The following ABLIM1 variants were observed in gnomAD, a reference collection of about 807,000 sequenced individuals.
ABLIM1 encodes actin binding LIM protein 1, also known as actin-binding LIM protein 1.
ABLIM1 carries 40 observed loss-of-function variants against 107.0 expected under a neutral mutation model. The ratio of observed to expected loss-of-function variants is 0.37; its 90% CI spans 0.29 to 0.49. The LOEUF (loss-of-function observed/expected upper bound fraction) is 0.49. Ranked by LOEUF, ABLIM1 falls within the 20% of genes least tolerant of loss-of-function variation. The pLI, the probability that ABLIM1 is intolerant of heterozygous loss-of-function variation, is 0.97. For synonymous variants in ABLIM1, 357 were observed against 357.3 expected (o/e 1.00, Z 0.01); for missense variants, 857 against 1,008.5 (o/e 0.85, Z 2.04).
At chr10:114,472,844 G>A in intron 10 of ABLIM1, 133 bp downstream of exon 10, 1 of 868,102 alleles carries the variant, frequency 1.2e-6, no homozygotes. Context: ...AAAGCACCTG[G>A]TCTAGAAATC....
the ABLIM1 span, among the ~76,000 whole-genome samples, chr10:114,787,931 G>C: frequency 6.9e-6 from 1 of 144,896 alleles, no homozygotes; most frequent in Non-Finnish European, 1.5e-5. Flanking sequence ...GATGGTTGCC[G>C]TGTCTGTGTA....
intron 1 of ABLIM1, among the ~76,000 whole-genome samples, chr10:114,637,035 TAAAAAAAAAAAA>T (rs3061732): frequency 9.6e-6 from 1 of 104,034 alleles, no homozygotes; most frequent in Non-Finnish European, 1.9e-5. Context: ...GCTGTCTCTT[TAAAAAAAAAAAA>T]AAAAAAAAAA....
rs572367885 is a variant in ABLIM1, at chr10:114,432,352, C to G, written c.*3908G>C. ...ATGAGACAGTCTATTTTCCTTCCAC[C>G]ATCTTCCATGAGAGTCAGGAAAAGG... is the stretch of plus-strand genomic sequence containing the variant. On this transcript the variant is annotated 3_prime_UTR_variant, in exon 23 of 23. Transcript: ENST00000533213. The G allele has an allele frequency of 4.6e-5, 7 of 152,140 alleles. No individual in the cohort carries two copies. Among genetic ancestry groups the G allele is most frequent in the African/African-American group, 1.7e-4 (7 of 41,408 alleles). 9.4% of individuals were successfully genotyped at this position (152,140 alleles called of 1,614,324 possible).
intron 1 of ABLIM1, among the ~76,000 whole-genome samples, chr10:114,648,987 A>G (rs544443695): frequency 6.9e-4 from 105 of 152,310 alleles, no homozygotes; most frequent in Non-Finnish European, 1.2e-3. Flanking sequence ...TTCTCATGTA[A>G]TATCAAACAG....
At chr10:114,596,487 C>T (rs1405429125) in intron 2 of ABLIM1, among the ~76,000 whole-genome samples, 3 of 152,114 alleles carry the variant, frequency 2.0e-5, no homozygotes, top group Non-Finnish European at 2.9e-5. Flanking sequence ...GAGTTTGAGA[C>T]CAGCCTGGGC....
intron 1 of ABLIM1, among the ~76,000 whole-genome samples, chr10:114,666,995 C>T (rs535394991): frequency 1.3e-5 from 2 of 152,210 alleles, no homozygotes; most frequent in South Asian, 4.1e-4. Context: ...ATTTGCAACT[C>T]ATAAAAAGAA....
At chr10:114,526,952 A>G in intron 6 of ABLIM1, 1 of 985,458 alleles carries the variant, frequency 1.0e-6, no homozygotes, top group Non-Finnish European at 1.2e-6. Flanking sequence ...TCAACACACC[A>G]GCAACCACAA....
intron 6 of ABLIM1, among the ~76,000 whole-genome samples, chr10:114,507,615 C>T (rs930982210): frequency 5.3e-5 from 8 of 152,184 alleles, no homozygotes; most frequent in Non-Finnish European, 7.3e-5. Context: ...GCTGTGCAAA[C>T]GGGCACCCTG....
chr10:114,770,382 G>T (rs537262308), upstream of ABLIM1, among the ~76,000 whole-genome samples: 2 of 152,086 alleles, frequency 1.3e-5, no homozygotes, highest in African/African-American at 4.8e-5. Context: ...TTCCTACCTT[G>T]CCAGTGCCAT....
At chr10:114,769,295 ATC>A (rs1457308296), upstream of ABLIM1, among the ~76,000 whole-genome samples, 1 of 150,924 alleles carries the variant, frequency 6.6e-6, no homozygotes, top group Non-Finnish European at 1.5e-5. Context: ...GTGAGCCGAG[ATC>A]ACGGCACTGC....
chr10:114,476,537 G>C (rs1038497488), intron 8 of ABLIM1, among the ~76,000 whole-genome samples: 4 of 151,860 alleles, frequency 2.6e-5, no homozygotes, highest in Non-Finnish European at 2.9e-5. Flanking sequence ...CCAGCTACTT[G>C]GGAGGCTGAG....
chr10:114,615,228 G>A (rs2077056951), intron 1 of ABLIM1, among the ~76,000 whole-genome samples: 1 of 151,958 alleles, frequency 6.6e-6, no homozygotes, highest in South Asian at 2.1e-4. Flanking sequence ...TATGGAAGAT[G>A]CGCTCTGGCC....
At chr10:114,759,101 T>G (rs963498458) in intron 1 of ABLIM1, among the ~76,000 whole-genome samples, 2 of 152,206 alleles carry the variant, frequency 1.3e-5, no homozygotes, top group African/African-American at 4.8e-5. Flanking sequence ...ACTCCTGCTT[T>G]CATGTTTATT....
rs542513364 is a variant in ABLIM1 at position 114,595,251 on chromosome 10, A to G, written c.379+6576T>C. 5.9e-5 allele frequency: 9 copies of G among 152,368 alleles called. No individual in the cohort carries two copies. The South Asian group carries it at 1.9e-3, about 32-fold the overall frequency. The allele number at this position is 152,368 out of a possible 1,614,324, so 9.4% of individuals were successfully genotyped here. On this transcript the variant is annotated intron_variant, in intron 2 of 22. Coordinates refer to ENST00000533213, the MANE Select transcript of ABLIM1 (RefSeq NM_002313.7). ...AATGAACAAAATATATAACATGTAT[A>G]CTTAAAATGAACTATAATTCACATT...
At chr10:114,669,085 GA>G (rs2080144569) in intron 1 of ABLIM1, among the ~76,000 whole-genome samples, 1 of 152,136 alleles carries the variant, frequency 6.6e-6, no homozygotes, top group Non-Finnish European at 1.5e-5. Context: ...GGTTATCTTG[GA>G]AAAAATATGA....
At position 114,444,010 on chromosome 10, in the gene ABLIM1, T is replaced by C. The variant is rs1019073370; in HGVS notation, c.1933+19A>G. On this transcript the variant is annotated intron_variant, in intron 17 of 22. Transcript: ENST00000533213. ...TGGCTGGCTCTCGAATCAGGGAAGG[T>C]TGGGGGTTTGCTGCTTACCTGAGTT... The C allele has an allele frequency of 4.4e-6, 7 of 1,583,994 alleles. No individual in the cohort carries two copies. The African/African-American group carries it at 6.8e-5, about 15-fold the overall frequency.
chr10:114,740,345 A>G (rs1005776994), intron 1 of ABLIM1, among the ~76,000 whole-genome samples: 1 of 152,170 alleles, frequency 6.6e-6, no homozygotes, highest in Non-Finnish European at 1.5e-5. Context: ...ACAAATGGAC[A>G]GTTACAGATT....
At chr10:114,777,635 C>T in the ABLIM1 span, among the ~76,000 whole-genome samples, 1 of 152,202 alleles carries the variant, frequency 6.6e-6, no homozygotes, top group Admixed American at 6.5e-5. Flanking sequence ...CCAAGTCTCC[C>T]AGCCTCCTGC....
intron 13 of ABLIM1, 140 bp downstream of exon 13, chr10:114,453,239 C>T (rs1283366755): frequency 1.2e-6 from 1 of 855,628 alleles, no homozygotes; most frequent in Non-Finnish European, 1.9e-6. Context: ...GAAAGGCCCC[C>T]TAGGTCAGAT....
Sources: gnomAD v4.1 joint callset for allele counts (sites outside exome capture counted in the v4.1 genomes callset) on GRCh38, gnomAD v4.1.1 for gene constraint, MANE v1.5 for transcripts, NCBI Gene and HGNC (gene_info 2026-07-23, HGNC 2026-07-21) for gene names.